Variants in MRPS18C observed in about 807,000 individuals in gnomAD.
MRPS18C encodes mitochondrial ribosomal protein S18C.
In MRPS18C, 21 loss-of-function variants were observed where a neutral mutation model predicts 21.0. The ratio of observed to expected loss-of-function variants is 1.00; its 90% CI spans 0.71 to 1.44. The LOEUF (loss-of-function observed/expected upper bound fraction) is 1.44. Ranked by LOEUF, MRPS18C falls within the 40% of genes most tolerant of loss-of-function variation. MRPS18C has a pLI of 0.00. For synonymous variants in MRPS18C, 65 were observed against 54.3 expected (o/e 1.20, Z -0.87); for missense variants, 152 against 171.5 (o/e 0.89, Z 0.64).
chr4:83,460,839 G>C (rs1280181643), intron 4 of MRPS18C, 134 bp from the exon 5 acceptor site: 39 of 698,706 alleles, frequency 5.6e-5, no homozygotes, highest in Non-Finnish European at 5.0e-6. Flanking sequence ...CTGGGTGGCG[G>C]AGGTTGCAGT....
chr4:83,456,479 T>C (rs1560566069), intron 1 of MRPS18C, among the ~76,000 whole-genome samples: 1 of 148,704 alleles, frequency 6.7e-6, no homozygotes, highest in Non-Finnish European at 1.5e-5. Context: ...AAATTCCAGA[T>C]GTCTAAGGTC....
intron 2 of MRPS18C, 43 bp downstream of exon 2, chr4:83,457,001 A>G: frequency 1.3e-6 from 2 of 1,541,554 alleles, no homozygotes; most frequent in Non-Finnish European, 1.8e-6. Context: ...TGCAAATATG[A>G]CCAAAATGTT....
At chr4:83,458,515 C>A in intron 3 of MRPS18C, 86 bp downstream of exon 3, 1 of 1,021,112 alleles carries the variant, frequency 9.8e-7, no homozygotes, top group Non-Finnish European at 1.4e-6. Flanking sequence ...TTATAGCAGG[C>A]TTTTGTAGAG....
chr4:83,460,531 T>C (rs1265924014), intron 4 of MRPS18C: 1 of 174,136 alleles, frequency 5.7e-6, no homozygotes, highest in East Asian at 1.8e-4. Context: ...TGAGTGGCAG[T>C]GATGGAGACT....
chr4:83,459,904 C>A, intron 4 of MRPS18C, 107 bp downstream of exon 4: 1 of 916,576 alleles, frequency 1.1e-6, no homozygotes, highest in Non-Finnish European at 1.7e-6. Context: ...TAAATTACTA[C>A]TAGATCAGAT....
chr4:83,460,651 C>T, intron 4 of MRPS18C: 2 of 280,838 alleles, frequency 7.1e-6, no homozygotes, highest in South Asian at 7.4e-5. Context: ...CACCTGTAAT[C>T]CCAGCACTTT....
intron 2 of MRPS18C, chr4:83,457,259 GT>G (rs59746535): frequency 0.13 from 25,518 of 189,850 alleles, 3,188 homozygotes; most frequent in African/African-American, 0.41. Flanking sequence ...TTTGGGAATT[GT>G]TTTTTTTTTT....
chr4:83,460,740 C>T, intron 4 of MRPS18C: 1 of 443,934 alleles, frequency 2.3e-6, no homozygotes, highest in Non-Finnish European at 4.1e-6. Flanking sequence ...CCCGTTTCTA[C>T]TACAAATACA....
Position 83,458,382 on chromosome 4 carries a change from A to C in MRPS18C, c.187A>C (p.Lys63Gln). The change falls in exon 3 of 6, where the codon AAG (lysine) becomes CAG (glutamine). Residue 63 changes from lysine to glutamine, a missense_variant. Coordinates refer to ENST00000295491, the MANE Select transcript of MRPS18C (RefSeq NM_016067.4). ...GGAAAATCCTTATAAAGAACCTCTT[A>C]AGAAATGTATCTTGTGTGGAAAGCA... ...SMENPYKEPL[K>Q]KCILCGKHVD... 6.2e-7 allele frequency: 1 copy of C among 1,606,124 alleles called. No individual in the cohort carries two copies. Among genetic ancestry groups the C allele is most frequent in the Non-Finnish European group, 8.5e-7 (1 of 1,173,922 alleles).
At position 83,462,020 on chromosome 4, in the gene MRPS18C, A is replaced by T. The variant is rs1344734644; in HGVS notation, c.*823A>T. ...ATGACTCAGATAAATTTTCATATAAATTTCTTTCCATATTTTGAAAATAAG... is the reference window on the plus strand; with the variant it reads ...ATGACTCAGATAAATTTTCATATAATTTTCTTTCCATATTTTGAAAATAAG... On this transcript the variant is annotated 3_prime_UTR_variant, in exon 6 of 6. Transcript: ENST00000295491. 2 of 228,316 alleles carry T rather than the reference A, an allele frequency of 8.8e-6. No homozygotes were observed. The highest frequency in any genetic ancestry group is 1.8e-4 in the South Asian group (1 of 5,490). The allele number at this position is 228,316 out of a possible 1,614,324, so 14.1% of individuals were successfully genotyped here. A position where few individuals can be genotyped will look rare whatever the true frequency, so the allele number is the denominator to read the frequency against.
chr4:83,458,506 T>A (rs1340156471), intron 3 of MRPS18C, 77 bp downstream of exon 3: 31 of 1,136,924 alleles, frequency 2.7e-5, no homozygotes, highest in Non-Finnish European at 3.8e-5. Flanking sequence ...CAAGTCAGTT[T>A]ATAGCAGGCT....
intron 4 of MRPS18C, chr4:83,460,728 A>T (rs1722062714): frequency 2.4e-6 from 1 of 414,862 alleles, no homozygotes; most frequent in Non-Finnish European, 4.4e-6. Flanking sequence ...ATATGGTGAA[A>T]CCCCGTTTCT....
rs1284883457 is a variant in MRPS18C, at chr4:83,461,793, TC to T, written c.*597del. On this transcript the variant is annotated 3_prime_UTR_variant, in exon 6 of 6. Transcript: ENST00000295491. Reference sequence around the variant, plus strand: ...ATTTGCTAAATTTCATGCAAAGGACTCTAAACTAGGGGAGAGATTACTGTTT... The same window carrying T: ...ATTTGCTAAATTTCATGCAAAGGACTTAAACTAGGGGAGAGATTACTGTTT... 2 of 228,840 alleles carry T rather than the reference TC, an allele frequency of 8.7e-6. No individual in the cohort carries two copies. Among genetic ancestry groups the T allele is most frequent in the African/African-American group, 4.4e-5 (2 of 45,096 alleles). The allele number at this position is 228,840 out of a possible 1,614,324, so 14.2% of individuals were successfully genotyped here. A position where few individuals can be genotyped will look rare whatever the true frequency, so the allele number is the denominator to read the frequency against.
At chr4:83,456,484 A>G (rs1245266646) in intron 1 of MRPS18C, among the ~76,000 whole-genome samples, 4 of 152,074 alleles carry the variant, frequency 2.6e-5, no homozygotes, top group African/African-American at 9.7e-5. Context: ...CCAGATGTCT[A>G]AGGTCCCCAA....
In MRPS18C at chr4:83,456,833, C is replaced by G. The variant is rs367986314; in HGVS notation, c.101-76C>G. Reference sequence around the variant, plus strand: ...TATCGTGTCCCTTAATTCATCCTGTCTCCATAAAAACAAAAATCTTTAGCT... The same window carrying G: ...TATCGTGTCCCTTAATTCATCCTGTGTCCATAAAAACAAAAATCTTTAGCT... On this transcript the variant is annotated intron_variant, in intron 1 of 5. Transcript: ENST00000295491. The G allele has an allele frequency of 1.1e-4, 155 of 1,443,954 alleles. No homozygotes were observed. The African/African-American group carries it at 1.2e-3, about 11-fold the overall frequency. 89.4% of individuals were successfully genotyped at this position (1,443,954 alleles called of 1,614,324 possible).
At chr4:83,460,932 A>G in intron 4 of MRPS18C, 41 bp from the exon 5 acceptor site, 1 of 1,561,418 alleles carries the variant, frequency 6.4e-7, no homozygotes, top group South Asian at 1.2e-5. Flanking sequence ...AACTTTAAAT[A>G]TTGACATTTT....
chr4:83,458,268 A>G, intron 2 of MRPS18C, 78 bp from the exon 3 acceptor site: 1 of 992,404 alleles, frequency 1.0e-6, no homozygotes, highest in Non-Finnish European at 1.6e-6. Flanking sequence ...CTTTGAATGG[A>G]TTTGAATGTA....
In MRPS18C at chr4:83,461,536, C is replaced by G. The variant is rs769016871; in HGVS notation, c.*339C>G. 6.3e-6 allele frequency: 2 copies of G among 319,560 alleles called. No individual in the cohort carries two copies. The highest frequency in any genetic ancestry group is 1.2e-5 in the Non-Finnish European group (2 of 168,400). 19.8% of individuals were successfully genotyped at this position (319,560 alleles called of 1,614,324 possible). A position where few individuals can be genotyped will look rare whatever the true frequency, so the allele number is the denominator to read the frequency against. On this transcript the variant is annotated 3_prime_UTR_variant, in exon 6 of 6. Transcript: ENST00000295491. ...AAGTATGCCTGGTTAAGATATCTTC[C>G]CTTTGTAGAAATGTTACATTGGGAT...
At position 83,458,429 on chromosome 4, in the gene MRPS18C, G is replaced by T; in HGVS notation, c.234G>T (p.Gln78His). 1 of 1,571,082 alleles carries T rather than the reference G, an allele frequency of 6.4e-7. No individual in the cohort carries two copies. Among genetic ancestry groups the T allele is most frequent in the Non-Finnish European group, 8.7e-7 (1 of 1,147,288 alleles). Residue 78 changes from glutamine (Q) to histidine (H), a missense_variant and splice_region_variant, in exon 3 of 6, where the codon CAG (glutamine) becomes CAT (histidine). This residue lies in a region of MRPS18C where 118 missense variants were observed against 104.4 expected (regional missense o/e 1.13). Transcript: ENST00000295491. Reference protein sequence around the residue: ...CGKHVDYKNVQLLSQFVSPFT... With the variant: ...CGKHVDYKNVHLLSQFVSPFT... ...AGCATGTAGATTATAAGAATGTACA[G>T]GTGAGATCTGGTTTTACTTCACTAT...
Sources: gnomAD v4.1 joint callset for allele counts (sites outside exome capture counted in the v4.1 genomes callset) on GRCh38, gnomAD v4.1.1 for gene constraint, gnomAD v4.1.1 regional missense constraint, MANE v1.5 for transcripts, NCBI Gene and HGNC (gene_info 2026-07-23, HGNC 2026-07-21) for gene names.